The following PLCB1 variants were observed in gnomAD, a reference collection of about 807,000 sequenced individuals.
The protein encoded by PLCB1 is 1-phosphatidylinositol 4,5-bisphosphate phosphodiesterase beta-1.
A neutral mutation model predicts 161.8 loss-of-function variants in PLCB1; 46 were observed. That is an observed-to-expected ratio of 0.28 (90% CI 0.22 to 0.36). The LOEUF (loss-of-function observed/expected upper bound fraction) is 0.36, where lower values mean the gene tolerates loss of function less well. Ranked by LOEUF, PLCB1 falls within the 10% of genes least tolerant of loss-of-function variation. The pLI is 1.00. For missense variants in PLCB1, 1,016 were observed against 1,472.5 expected (o/e 0.69, Z 5.07); for synonymous variants, 517 against 503.7 (o/e 1.03, Z -0.35).
intron 2 of PLCB1, among the ~76,000 whole-genome samples, chr20:8,173,861 A>C (rs956506020): frequency 6.6e-6 from 1 of 152,238 alleles, no homozygotes; most frequent in African/African-American, 2.4e-5. Flanking sequence ...AAAAGAACAC[A>C]ATAGGTGGGT....
At chr20:8,314,992 T>C (rs1226216719) in intron 2 of PLCB1, among the ~76,000 whole-genome samples, 2 of 152,164 alleles carry the variant, frequency 1.3e-5, no homozygotes, top group African/African-American at 4.8e-5. Flanking sequence ...AAACAGTCCC[T>C]ATGAGTCTGT....
chr20:8,645,937 A>G (rs1989156911), intron 4 of PLCB1, among the ~76,000 whole-genome samples, 165 bp from the exon 5 acceptor site: 2 of 152,228 alleles, frequency 1.3e-5, no homozygotes, highest in Admixed American at 6.5e-5. Context: ...ACTTGAATTT[A>G]CTTATGTCAT....
intron 3 of PLCB1, among the ~76,000 whole-genome samples, chr20:8,411,751 C>T (rs191788319): frequency 2.6e-5 from 4 of 152,240 alleles, no homozygotes; most frequent in South Asian, 2.1e-4. Flanking sequence ...TGGCCGGGCA[C>T]GGTGGCTCAC....
At chr20:8,142,583 C>T (rs2051415391) in intron 1 of PLCB1, among the ~76,000 whole-genome samples, 1 of 152,118 alleles carries the variant, frequency 6.6e-6, no homozygotes, top group Non-Finnish European at 1.5e-5. Flanking sequence ...CCATTAGTTC[C>T]TATTTTCTGA....
At chr20:8,416,163 T>A (rs1429124710) in intron 3 of PLCB1, among the ~76,000 whole-genome samples, 2 of 152,194 alleles carry the variant, frequency 1.3e-5, no homozygotes, top group Non-Finnish European at 2.9e-5. Context: ...ACTTCTAAAT[T>A]CAAGGTATTG....
chr20:8,485,304 A>C (rs539800854), intron 3 of PLCB1, among the ~76,000 whole-genome samples: 1 of 152,346 alleles, frequency 6.6e-6, no homozygotes, highest in African/African-American at 2.4e-5. Flanking sequence ...TAAGCTCTGG[A>C]AAACAAACAA....
intron 3 of PLCB1, among the ~76,000 whole-genome samples, chr20:8,434,731 A>G (rs902122687): frequency 1.3e-4 from 20 of 152,238 alleles, no homozygotes; most frequent in Admixed American, 1.2e-3. Flanking sequence ...AGCTAGATAG[A>G]GGTCTCCTCT....
intron 2 of PLCB1, among the ~76,000 whole-genome samples, chr20:8,156,889 C>T (rs1342642113): frequency 1.3e-5 from 2 of 152,206 alleles, no homozygotes; most frequent in Admixed American, 1.3e-4. Context: ...TAAACAATGA[C>T]TCTCTGACCA....
chr20:8,584,028 C>T (rs1388468477), intron 3 of PLCB1, among the ~76,000 whole-genome samples: 3 of 152,018 alleles, frequency 2.0e-5, no homozygotes, highest in Non-Finnish European at 2.9e-5. Flanking sequence ...AGAAATGAAA[C>T]GGAGCACTCT....
In PLCB1 at chr20:8,429,088, C is replaced by T. The variant is rs1426546937; in HGVS notation, c.246+57638C>T. 2.0e-5 allele frequency among the ~76,000 whole-genome samples: 3 copies of T among 152,174 alleles called. No homozygotes were observed. The East Asian group carries it at 5.8e-4, about 29-fold the overall frequency. On this transcript the variant is annotated intron_variant, in intron 3 of 31. Coordinates refer to ENST00000338037, the MANE Select transcript of PLCB1 (RefSeq NM_015192.4). The stretch of plus-strand genomic sequence containing the variant: ...ATGCACGCAAGCAATATCTATGAAT[C>T]CCTTTACTTGCTTGTATCTTACCCT...
intron 3 of PLCB1, among the ~76,000 whole-genome samples, chr20:8,387,981 A>T: frequency 6.6e-6 from 1 of 150,656 alleles, no homozygotes; most frequent in Non-Finnish European, 1.5e-5. Flanking sequence ...TTTTTTTAAA[A>T]AAAAAAAAAA....
chr20:8,654,352 G>A (rs534327484), intron 7 of PLCB1, among the ~76,000 whole-genome samples: 13 of 152,090 alleles, frequency 8.5e-5, no homozygotes, highest in South Asian at 8.3e-4. Context: ...CTGACAGTGC[G>A]TTTTGTATTG....
In PLCB1 at chr20:8,837,709, A is replaced by G. The variant is rs144384625; in HGVS notation, c.3424-43913A>G. Among the ~76,000 whole-genome samples, 237 of 152,300 alleles carry G rather than the reference A, an allele frequency of 1.6e-3. 1 individual carries two copies. Among genetic ancestry groups the G allele is most frequent in the Non-Finnish European group, 2.7e-3 (182 of 68,024 alleles). On this transcript the variant is annotated intron_variant, in intron 31 of 31. Coordinates refer to ENST00000338037, the MANE Select transcript of PLCB1 (RefSeq NM_015192.4). Reference sequence around the variant, plus strand: ...GGAGAGTCCTGGAGACATACCTTTCACCATAACTGTGGGAAGTAAGTTTGT... The same window carrying G: ...GGAGAGTCCTGGAGACATACCTTTCGCCATAACTGTGGGAAGTAAGTTTGT...
intron 26 of PLCB1, among the ~76,000 whole-genome samples, chr20:8,768,343 T>G (rs1039641419): frequency 6.6e-6 from 1 of 152,120 alleles, no homozygotes; most frequent in Non-Finnish European, 1.5e-5. Flanking sequence ...CTACCTCCAT[T>G]ATCACATGAA....
chr20:8,774,312 C>T (rs1247726497), intron 26 of PLCB1, among the ~76,000 whole-genome samples: 1 of 152,232 alleles, frequency 6.6e-6, no homozygotes, highest in East Asian at 1.9e-4. Context: ...GCTTTTCTTT[C>T]TGCCCCTGCC....
At chr20:8,370,538 G>T (rs146420671) in intron 2 of PLCB1, among the ~76,000 whole-genome samples, 1 of 152,146 alleles carries the variant, frequency 6.6e-6, no homozygotes, top group Non-Finnish European at 1.5e-5. Context: ...ACACCTCAAG[G>T]TTCAGCCAAA....
chr20:8,318,383 G>C (rs1984756185), intron 2 of PLCB1, among the ~76,000 whole-genome samples: 1 of 152,028 alleles, frequency 6.6e-6, no homozygotes, highest in Non-Finnish European at 1.5e-5. Context: ...ATTTTGACTA[G>C]TCAAATGCAG....
chr20:8,740,241 C>T (rs1980801720), intron 21 of PLCB1, 103 bp from the exon 22 acceptor site: 1 of 649,514 alleles, frequency 1.5e-6, no homozygotes, highest in Non-Finnish European at 2.7e-6. Flanking sequence ...TGTTTTTCAT[C>T]TAAAGTAACC....
At chr20:8,807,561 G>GT (rs544439207) in intron 31 of PLCB1, among the ~76,000 whole-genome samples, 4,498 of 142,686 alleles carry the variant, frequency 0.032, 193 homozygotes, top group African/African-American at 0.1. Flanking sequence ...AATGAATAGT[G>GT]TTTTTTTTTT....
Sources: allele counts gnomAD v4.1 joint callset (sites outside exome capture counted in the v4.1 genomes callset), GRCh38; gene constraint gnomAD v4.1.1; transcripts MANE v1.5; gene names NCBI Gene and HGNC (gene_info 2026-07-23, HGNC 2026-07-21).